ADGB: variants seen among roughly 807,000 people sequenced by gnomAD.
ADGB encodes calpain-7-like protein.
In ADGB, 172 loss-of-function variants were observed where a neutral mutation model predicts 210.5. The ratio of observed to expected loss-of-function variants is 0.82; its 90% CI spans 0.72 to 0.93. The LOEUF (loss-of-function observed/expected upper bound fraction) is 0.93, where lower values mean the gene tolerates loss of function less well. Ranked by LOEUF, ADGB falls within the 40% of genes least tolerant of loss-of-function variation. The probability of loss-of-function intolerance (pLI) is 0.00; values close to 1 mark genes in which losing one functional copy is unlikely to be tolerated. For synonymous variants in ADGB, 658 were observed against 662.7 expected (o/e 0.99, Z 0.11); for missense variants, 2,025 against 1,964.8 (o/e 1.03, Z -0.58).
At chr6:146,732,616 C>T (rs1777010126) in intron 20 of ADGB, among the ~76,000 whole-genome samples, 1 of 151,512 alleles carries the variant, frequency 6.6e-6, no homozygotes, top group East Asian at 1.9e-4. Context: ...TAGATAATTA[C>T]ACAACTATGT....
intron 3 of ADGB, among the ~76,000 whole-genome samples, chr6:146,652,295 A>T (rs567355991): frequency 6.6e-6 from 1 of 152,300 alleles, no homozygotes; most frequent in South Asian, 2.1e-4. Flanking sequence ...TAATCACTGA[A>T]GTATAGGGGC....
rs1165713361 is a variant in ADGB at position 146,666,891 on chromosome 6, C to T, written c.828C>T (p.Val276=). The T allele has an allele frequency of 1.9e-6, 3 of 1,543,778 alleles. No individual in the cohort carries two copies. The highest frequency in any genetic ancestry group is 2.4e-5 in the South Asian group (2 of 83,322). Residue 276 remains valine (V), a synonymous_variant, in exon 7 of 36, where the codon GTC becomes GTT. Coordinates refer to ENST00000397944, the MANE Select transcript of ADGB (RefSeq NM_024694.4). ...IHALTGWLPE[V]ISLHPGYMDK... ...CGCTCACAGGATGGTTACCAGAAGT[C>T]ATTTCTCTTCAGTATGTTTGACTAT...
chr6:146,711,894 A>C (rs1277256783), intron 13 of ADGB, among the ~76,000 whole-genome samples: 1 of 151,798 alleles, frequency 6.6e-6, no homozygotes, highest in Non-Finnish European at 1.5e-5. Flanking sequence ...ACAACAACAA[A>C]AACCCCAAAA....
chr6:146,780,538 G>A lies in ADGB; in HGVS notation c.3863-1482G>A, dbSNP rs149636560. On this transcript the variant is annotated intron_variant, in intron 29 of 35. Transcript: ENST00000397944. The stretch of plus-strand genomic sequence containing the variant: ...TAAAAAGAATAACCAAAAGAGACCT[G>A]GAGTGGCTATAGTAATACCAGACAA... 3.1e-3 allele frequency among the ~76,000 whole-genome samples: 474 copies of A among 152,092 alleles called. 3 individuals carry two copies. Among genetic ancestry groups the A allele is most frequent in the African/African-American group, 0.011 (452 of 41,508 alleles).
At chr6:146,611,294 T>A (rs918203108) in intron 1 of ADGB, among the ~76,000 whole-genome samples, 1 of 151,966 alleles carries the variant, frequency 6.6e-6, no homozygotes, top group African/African-American at 2.4e-5. Flanking sequence ...TCCCATTCCA[T>A]GGGTAACATA....
intron 35 of ADGB, chr6:146,802,219 T>G: frequency 3.4e-6 from 1 of 292,886 alleles, no homozygotes; most frequent in South Asian, 1.4e-4. Flanking sequence ...AATGCAGTAT[T>G]GGGAATCTAT....
Position 146,635,406 on chromosome 6 carries a change from G to T in ADGB, c.106G>T (p.Gly36Cys). The change falls in exon 2 of 36, where the codon GGT becomes TGT. Residue 36 changes from glycine to cysteine, a missense_variant. Transcript: ENST00000397944. The part of the protein sequence containing the change: ...FYPFGSNVQS[G>C]STEQKKGKFP... ...TCCTTTTGGCAGTAATGTACAATCT[G>T]GTTCTACTGAACAAAAGAAGGGGAA... 1 of 1,545,460 alleles carries T rather than the reference G, an allele frequency of 6.5e-7. No homozygotes were observed. The highest frequency in any genetic ancestry group is 2.5e-5 in the East Asian group (1 of 40,614).
chr6:146,648,950 C>A (rs773236166), intron 3 of ADGB, among the ~76,000 whole-genome samples: 1 of 151,716 alleles, frequency 6.6e-6, no homozygotes, highest in Non-Finnish European at 1.5e-5. Context: ...TTTAGAAACA[C>A]ATATATTATA....
chr6:146,599,699 TG>T (rs1780524233), intron 1 of ADGB, among the ~76,000 whole-genome samples: 1 of 152,230 alleles, frequency 6.6e-6, no homozygotes, highest in Non-Finnish European at 1.5e-5. Context: ...GGAATTTTTA[TG>T]GTGCCTTTGT....
chr6:146,627,936 C>A (rs535601554), intron 1 of ADGB, among the ~76,000 whole-genome samples: 1 of 152,196 alleles, frequency 6.6e-6, no homozygotes, highest in South Asian at 2.1e-4. Flanking sequence ...CTTTCAGGGA[C>A]CAATGACCCG....
At position 146,599,087 on chromosome 6, in the gene ADGB, C is replaced by T; in HGVS notation, c.47C>T (p.Ser16Leu). 6.4e-7 allele frequency: 1 copy of T among 1,551,730 alleles called. No individual in the cohort carries two copies. Among genetic ancestry groups the T allele is most frequent in the Non-Finnish European group, 8.7e-7 (1 of 1,146,990 alleles). The change falls in exon 1 of 36, where the codon TCG (serine) becomes TTG (leucine). Residue 16 changes from serine (S) to leucine (L), a missense_variant. Physicochemically the swap from Ser to Leu is moderately radical, Grantham distance 145. Transcript: ENST00000397944. ...TKKKEVHRIN[S>L]AHGSDKSKDF... ...AAGAAAGAGGTGCATCGTATCAACT[C>T]GGCGCACGGATCGGATAAATCGAAA... is the stretch of plus-strand genomic sequence containing the variant.
intron 27 of ADGB, among the ~76,000 whole-genome samples, chr6:146,756,036 C>G (rs905436044): frequency 6.6e-6 from 1 of 151,960 alleles, no homozygotes; most frequent in Non-Finnish European, 1.5e-5. Context: ...TTTTGACTCC[C>G]TGTCCCTCTC....
At chr6:146,700,448 G>A (rs1442607205) in intron 12 of ADGB, among the ~76,000 whole-genome samples, 3 of 152,024 alleles carry the variant, frequency 2.0e-5, no homozygotes, top group South Asian at 4.1e-4. Context: ...ATGTCTTTAC[G>A]TACCTATAAA....
At chr6:146,773,048 A>G (rs1176455666) in intron 29 of ADGB, among the ~76,000 whole-genome samples, 1 of 152,148 alleles carries the variant, frequency 6.6e-6, no homozygotes, top group Non-Finnish European at 1.5e-5. Flanking sequence ...CATGAGGGAC[A>G]GAGCAACAAG....
At chr6:146,664,474 A>C (rs2114894362) in intron 6 of ADGB, 134 bp downstream of exon 6, 1 of 913,132 alleles carries the variant, frequency 1.1e-6, no homozygotes, top group African/African-American at 1.7e-5. Flanking sequence ...GTAATGCTCT[A>C]GTATAAAATC....
intron 1 of ADGB, among the ~76,000 whole-genome samples, chr6:146,607,213 T>G (rs1027814310): frequency 6.6e-6 from 1 of 152,182 alleles, no homozygotes; most frequent in Non-Finnish European, 1.5e-5. Flanking sequence ...GTTTTTGGCA[T>G]GTGGAAATGC....
chr6:146,762,203 T>G (rs1036918541), intron 27 of ADGB, among the ~76,000 whole-genome samples: 2 of 152,118 alleles, frequency 1.3e-5, no homozygotes, highest in Admixed American at 6.6e-5. Context: ...CATGAATCAC[T>G]TATCCTCTTT....
chr6:146,616,175 A>C (rs1780796314), intron 1 of ADGB, among the ~76,000 whole-genome samples: 1 of 151,544 alleles, frequency 6.6e-6, no homozygotes, highest in Non-Finnish European at 1.5e-5. Context: ...AATGATGTTG[A>C]ATATTTTGTA....
At chr6:146,642,643 G>A (rs920311509) in intron 2 of ADGB, among the ~76,000 whole-genome samples, 4 of 151,918 alleles carry the variant, frequency 2.6e-5, no homozygotes, top group African/African-American at 9.7e-5. Flanking sequence ...ATTATCTTTA[G>A]CAAACTAATG....
Sources: allele counts gnomAD v4.1 joint callset (sites outside exome capture counted in the v4.1 genomes callset), GRCh38; gene constraint gnomAD v4.1.1; transcripts MANE v1.5; gene names NCBI Gene and HGNC (gene_info 2026-07-23, HGNC 2026-07-21).